SRPK2: variants seen among roughly 807,000 people sequenced by gnomAD.
SRPK2 encodes the protein SFRS protein kinase 2.
SRPK2 carries 21 observed loss-of-function variants against 90.8 expected under a neutral mutation model. The observed-to-expected ratio is 0.23, with a 90% confidence interval of 0.16 to 0.33. The LOEUF (loss-of-function observed/expected upper bound fraction) is 0.33, where lower values mean the gene tolerates loss of function less well. SRPK2 is among the 10% of genes least tolerant of loss of function. The pLI is 1.00. For missense variants in SRPK2, 620 were observed against 869.0 expected, an observed-to-expected ratio of 0.71 and a Z score of 3.60; for synonymous variants, 288 against 311.1, an observed-to-expected ratio of 0.93 and a Z score of 0.78.
At position 105,118,970 on chromosome 7, in the gene SRPK2, G is replaced by A. The variant is rs117769011; in HGVS notation, c.1916-948C>T. 4.0e-3 allele frequency among the ~76,000 whole-genome samples: 612 copies of A among 152,236 alleles called. 21 individuals are homozygous for A. The East Asian group carries it at 0.072, about 18-fold the overall frequency. On this transcript the variant is annotated intron_variant, in intron 15 of 15. Coordinates refer to ENST00000393651, the MANE Select transcript of SRPK2 (RefSeq NM_182692.3). ...CAAAAGCTCCAGATAATTTCACTGT[G>A]AATAACTCGTTTTCTCTGCCTGTTT...
chr7:105,385,427 C>G (rs1007590268), intron 2 of SRPK2, among the ~76,000 whole-genome samples: 1 of 151,836 alleles, frequency 6.6e-6, no homozygotes, highest in African/African-American at 2.4e-5. Flanking sequence ...CCGCCCGCCT[C>G]GGCCTCCCAA....
intron 2 of SRPK2, among the ~76,000 whole-genome samples, chr7:105,340,231 C>T (rs1442981031): frequency 1.3e-5 from 2 of 150,932 alleles, no homozygotes; most frequent in Non-Finnish European, 1.5e-5. Context: ...ATAGGAAGTA[C>T]GCATTATGCC....
chr7:105,246,805 T>C (rs1199612668), intron 2 of SRPK2, among the ~76,000 whole-genome samples: 1 of 152,204 alleles, frequency 6.6e-6, no homozygotes, highest in African/African-American at 2.4e-5. Flanking sequence ...TTTCAGTAAG[T>C]TGCCAGCAGT....
At chr7:105,330,350 TAAATAAAAATAAAATAAAATATAAA>T (rs1406711395) in intron 2 of SRPK2, among the ~76,000 whole-genome samples, 16 of 149,840 alleles carry the variant, frequency 1.1e-4, no homozygotes, top group African/African-American at 3.4e-4. Context: ...AATAAATAAA[TAAATAAAAATAAAATAAAATATAAA>T]AAATAAAAAT....
At chr7:105,200,061 G>C (rs1340442573) in intron 3 of SRPK2, among the ~76,000 whole-genome samples, 1 of 152,120 alleles carries the variant, frequency 6.6e-6, no homozygotes, top group African/African-American at 2.4e-5. Flanking sequence ...CAATACTTTG[G>C]GAGGCTGAGG....
At chr7:105,327,308 T>C (rs1199014722) in intron 2 of SRPK2, among the ~76,000 whole-genome samples, 3 of 152,196 alleles carry the variant, frequency 2.0e-5, no homozygotes. Flanking sequence ...CGAAGTTTGA[T>C]TGGAACACAA....
rs137918839 is a variant in SRPK2 at position 105,288,526 on chromosome 7, G to A, written c.72-84741C>T. On this transcript the variant is annotated intron_variant, in intron 2 of 15. Transcript: ENST00000393651. ...GGAGAATCACTTGAACCCGGGAGGC[G>A]GAGGTTGCAGTGAGCCAAGAATGCG... 7.2e-3 allele frequency among the ~76,000 whole-genome samples: 1,092 copies of A among 152,122 alleles called. 6 individuals carry two copies. The highest frequency in any genetic ancestry group is 9.9e-3 in the Non-Finnish European group (675 of 68,008).
intron 2 of SRPK2, chr7:105,298,903 C>T: frequency 3.8e-6 from 2 of 520,624 alleles, no homozygotes; most frequent in African/African-American, 2.1e-5. Context: ...CTCTGTTCAG[C>T]TCAGTTAGCA....
intron 2 of SRPK2, among the ~76,000 whole-genome samples, chr7:105,363,047 G>A (rs951864062): frequency 2.6e-5 from 4 of 152,030 alleles, no homozygotes; most frequent in African/African-American, 7.2e-5. Context: ...TGGGGTGGGG[G>A]GAGAGGGGAG....
At chr7:105,357,469 A>G (rs1817910072) in intron 2 of SRPK2, among the ~76,000 whole-genome samples, 1 of 152,182 alleles carries the variant, frequency 6.6e-6, no homozygotes, top group Admixed American at 6.5e-5. Flanking sequence ...ATAAACAATA[A>G]ATATCTCTTC....
chr7:105,267,437 C>A (rs1421223490), intron 2 of SRPK2, among the ~76,000 whole-genome samples: 2 of 152,172 alleles, frequency 1.3e-5, no homozygotes, highest in Non-Finnish European at 2.9e-5. Flanking sequence ...CCCTTCCCAT[C>A]ACCACCATTT....
intron 7 of SRPK2, among the ~76,000 whole-genome samples, chr7:105,148,717 A>G (rs1327397519): frequency 6.6e-6 from 1 of 152,306 alleles, no homozygotes; most frequent in East Asian, 1.9e-4. Flanking sequence ...TTTGAAAAAG[A>G]CCTGTACTTT....
rs1807164043 is a variant in SRPK2, at chr7:105,159,464, A to AACAAAAAAAAAAAAAAAAAAAAAAAC, written c.621+1042_621+1043insGTTTTTTTTTTTTTTTTTTTTTTTGT. 4.9e-5 allele frequency among the ~76,000 whole-genome samples: 7 copies of AACAAAAAAAAAAAAAAAAAAAAAAAC among 141,678 alleles called. 1 individual carries two copies. Among genetic ancestry groups the AACAAAAAAAAAAAAAAAAAAAAAAAC allele is most frequent in the African/African-American group, 2.1e-4 (7 of 34,028 alleles). 92.9% of individuals were successfully genotyped at this position (141,678 alleles called of 152,430 possible). On this transcript the variant is annotated intron_variant, in intron 7 of 15. Transcript: ENST00000393651. ...CTCCGTCTCCAAAAAAAAAAAAAAAAAAAAAAAAACCGTACAAAAGGAAGA... is the reference window on the plus strand; with the variant it reads ...CTCCGTCTCCAAAAAAAAAAAAAAAAACAAAAAAAAAAAAAAAAAAAAAAACAAAAAAAAACCGTACAAAAGGAAGA...
At chr7:105,393,072 C>T (rs1181499919), upstream of SRPK2, among the ~76,000 whole-genome samples, 5 of 152,098 alleles carry the variant, frequency 3.3e-5, no homozygotes, top group African/African-American at 1.2e-4. Flanking sequence ...TGGCCTAACG[C>T]AACCTCCGCC....
At chr7:105,131,775 A>G (rs1350641843) in intron 13 of SRPK2, among the ~76,000 whole-genome samples, 1 of 152,232 alleles carries the variant, frequency 6.6e-6, no homozygotes, top group Admixed American at 6.5e-5. Flanking sequence ...AGTGAGAAGA[A>G]AAATGCTAAG....
intron 3 of SRPK2, among the ~76,000 whole-genome samples, chr7:105,179,728 G>C (rs979321507): frequency 6.8e-6 from 1 of 148,032 alleles, no homozygotes; most frequent in African/African-American, 2.5e-5. Context: ...GGGAGGCTGA[G>C]GCAGGAGAAT....
chr7:105,232,143 A>G (rs1004623075), intron 2 of SRPK2, among the ~76,000 whole-genome samples: 3 of 152,198 alleles, frequency 2.0e-5, no homozygotes, highest in African/African-American at 7.2e-5. Context: ...GGCATGAGCC[A>G]CCACACCCAG....
chr7:105,292,497 CAAAAAAAAA>C (rs397889533), intron 2 of SRPK2, among the ~76,000 whole-genome samples: 17 of 74,792 alleles, frequency 2.3e-4, no homozygotes, highest in South Asian at 9.3e-4. Flanking sequence ...GTAAGACTCT[CAAAAAAAAA>C]AAAAAAAAAA....
chr7:105,135,508 A>T (rs1394713074), intron 11 of SRPK2, among the ~76,000 whole-genome samples: 1 of 152,206 alleles, frequency 6.6e-6, no homozygotes, highest in Non-Finnish European at 1.5e-5. Context: ...TCATAGGTCT[A>T]ATGAGAAGAG....
Sources: gnomAD v4.1 joint callset for allele counts (sites outside exome capture counted in the v4.1 genomes callset) on GRCh38, gnomAD v4.1.1 for gene constraint, MANE v1.5 for transcripts, NCBI Gene and HGNC (gene_info 2026-07-23, HGNC 2026-07-21) for gene names.